Variants in NRF1 observed in about 807,000 individuals in gnomAD.
NRF1 encodes the protein alpha palindromic-binding protein.
A neutral mutation model predicts 58.5 loss-of-function variants in NRF1; 5 were observed. The ratio of observed to expected loss-of-function variants is 0.09; its 90% CI spans 0.04 to 0.18. The LOEUF (loss-of-function observed/expected upper bound fraction) is 0.18. Among genes scored for constraint, NRF1 ranks in the 10% least tolerant of loss-of-function variants. The pLI is 1.00. For synonymous variants in NRF1, 224 were observed against 246.7 expected (o/e 0.91, Z 0.86); for missense variants, 288 against 657.7 (o/e 0.44, Z 6.15).
chr7:129,682,993 C>T (rs1802355263), intron 4 of NRF1, among the ~76,000 whole-genome samples: 1 of 151,976 alleles, frequency 6.6e-6, no homozygotes, highest in Non-Finnish European at 1.5e-5. Flanking sequence ...TGCAGTGGTG[C>T]AGTCTCAGCT....
At chr7:129,681,448 C>T (rs1016156027) in intron 4 of NRF1, among the ~76,000 whole-genome samples, 2 of 152,130 alleles carry the variant, frequency 1.3e-5, no homozygotes, top group African/African-American at 4.8e-5. Context: ...AAAAGTTTGT[C>T]AGAAAAATGC....
At chr7:129,704,722 G>A (rs1802910345) in intron 5 of NRF1, among the ~76,000 whole-genome samples, 1 of 152,198 alleles carries the variant, frequency 6.6e-6, no homozygotes, top group South Asian at 2.1e-4. Context: ...TAATTTCTTA[G>A]GGTATTTTTA....
rs532217887 is a variant in NRF1 at position 129,705,354 on chromosome 7, G to A, written c.607-3721G>A. On this transcript the variant is annotated intron_variant, in intron 5 of 10. Transcript: ENST00000393232. The stretch of plus-strand genomic sequence containing the variant: ...TGCCCAGGCTGGAGTGTAGTTGAGC[G>A]ATCGTAGCTCACTGCAACCTCCGCC... Among the ~76,000 whole-genome samples, 12 of 152,128 alleles carry A rather than the reference G, an allele frequency of 7.9e-5. No homozygotes were observed. The East Asian group carries it at 1.7e-3, about 22-fold the overall frequency.
chr7:129,754,718 G>T (rs1203300567), intron 10 of NRF1, among the ~76,000 whole-genome samples: 2 of 152,092 alleles, frequency 1.3e-5, no homozygotes, highest in Non-Finnish European at 2.9e-5. Context: ...AATCTTTAAA[G>T]AGATTAATAT....
chr7:129,723,418 G>A (rs1446271200), intron 9 of NRF1, among the ~76,000 whole-genome samples: 1 of 151,364 alleles, frequency 6.6e-6, no homozygotes, highest in Non-Finnish European at 1.5e-5. Context: ...ACTCTAGCCT[G>A]GGCAACAAGA....
intron 1 of NRF1, among the ~76,000 whole-genome samples, chr7:129,620,932 T>C (rs1428171093): frequency 6.6e-6 from 1 of 152,186 alleles, no homozygotes. Flanking sequence ...ATACCGTTGA[T>C]GGTTTTTGTA....
chr7:129,654,328 G>A (rs1801603560), intron 1 of NRF1, among the ~76,000 whole-genome samples: 1 of 151,908 alleles, frequency 6.6e-6, no homozygotes, highest in South Asian at 2.1e-4. Context: ...TTTTCTTATT[G>A]TTGAGTTTTT....
intron 10 of NRF1, among the ~76,000 whole-genome samples, chr7:129,728,764 T>C (rs1259387377): frequency 6.6e-6 from 1 of 152,210 alleles, no homozygotes; most frequent in Non-Finnish European, 1.5e-5. Context: ...TGAGAATCAT[T>C]TTCCAAAGAT....
intron 1 of NRF1, among the ~76,000 whole-genome samples, chr7:129,651,304 T>C (rs1801529145): frequency 6.6e-6 from 1 of 151,590 alleles, no homozygotes; most frequent in African/African-American, 2.4e-5. Context: ...CTTGTAATCC[T>C]AGCTACTTGG....
chr7:129,687,215 A>C (rs772907009), intron 4 of NRF1, among the ~76,000 whole-genome samples: 8 of 151,538 alleles, frequency 5.3e-5, no homozygotes, highest in Non-Finnish European at 1.2e-4. Flanking sequence ...TATTTCTTTA[A>C]AAAGTGCTCT....
At chr7:129,745,618 C>T (rs1391692305) in intron 10 of NRF1, among the ~76,000 whole-genome samples, 4 of 150,140 alleles carry the variant, frequency 2.7e-5, no homozygotes, top group African/African-American at 9.8e-5. Flanking sequence ...TTCAGCAGAA[C>T]GCTTTCTCTC....
chr7:129,626,174 A>G (rs1192368490), intron 1 of NRF1, among the ~76,000 whole-genome samples: 5 of 152,202 alleles, frequency 3.3e-5, no homozygotes, highest in Non-Finnish European at 7.3e-5. Context: ...TGATTTGTGA[A>G]GATATAAGGA....
chr7:129,689,632 T>C (rs937655343), intron 4 of NRF1, among the ~76,000 whole-genome samples: 39 of 152,334 alleles, frequency 2.6e-4, no homozygotes, highest in African/African-American at 8.7e-4. Context: ...ATCGAATGTG[T>C]GCATGTCCAG....
At chr7:129,744,118 T>G in intron 10 of NRF1, 2 of 1,477,712 alleles carry the variant, frequency 1.4e-6, no homozygotes, top group Non-Finnish European at 1.8e-6. Context: ...TGGTGGCCCA[T>G]CTTGCCCGGT....
chr7:129,635,727 G>A (rs1318999937), intron 1 of NRF1, among the ~76,000 whole-genome samples: 2 of 152,166 alleles, frequency 1.3e-5, no homozygotes, highest in Non-Finnish European at 1.5e-5. Flanking sequence ...CACGTCTCCA[G>A]TGCCCCCAAG....
intron 4 of NRF1, among the ~76,000 whole-genome samples, chr7:129,686,981 C>G (rs1193853402): frequency 2.6e-5 from 4 of 152,126 alleles, no homozygotes; most frequent in Non-Finnish European, 5.9e-5. Context: ...TTTTTATTTT[C>G]TACTTATTGA....
At chr7:129,716,507 T>C (rs1803192753) in intron 8 of NRF1, among the ~76,000 whole-genome samples, 1 of 152,128 alleles carries the variant, frequency 6.6e-6, no homozygotes, top group Non-Finnish European at 1.5e-5. Flanking sequence ...AAATTGTATA[T>C]ATTTATCTGG....
intron 10 of NRF1, among the ~76,000 whole-genome samples, chr7:129,742,814 A>T (rs1803879804): frequency 6.6e-6 from 1 of 152,190 alleles, no homozygotes; most frequent in Non-Finnish European, 1.5e-5. Context: ...TGCTCTGGCT[A>T]TTTAAACTTA....
chr7:129,736,633 T>C (rs1352984132), intron 10 of NRF1, among the ~76,000 whole-genome samples: 1 of 6,418 alleles, frequency 1.6e-4, no homozygotes, highest in Non-Finnish European at 1.9e-3. Flanking sequence ...ATCTATAGCT[T>C]TTTTTTTTTT....
Sources: gnomAD v4.1 joint callset for allele counts (sites outside exome capture counted in the v4.1 genomes callset) on GRCh38, gnomAD v4.1.1 for gene constraint, MANE v1.5 for transcripts, NCBI Gene and HGNC (gene_info 2026-07-23, HGNC 2026-07-21) for gene names.